The following PTGES2 variants were observed in gnomAD, a reference collection of about 807,000 sequenced individuals.
PTGES2 encodes prostaglandin E synthase 2, also known as GATE-binding factor 1.
PTGES2 carries 35 observed loss-of-function variants against 44.5 expected under a neutral mutation model. The observed-to-expected ratio is 0.79, with a 90% CI of 0.60 to 1.04. The LOEUF is 1.04. PTGES2 is among the 50% of genes least tolerant of loss of function. The probability of loss-of-function intolerance (pLI) is 0.00; values close to 1 mark genes in which losing one functional copy is unlikely to be tolerated. For synonymous variants in PTGES2, 221 were observed against 227.5 expected (o/e 0.97, Z 0.26); for missense variants, 517 against 521.4 (o/e 0.99, Z 0.08).
At chr9:128,126,854 A>C (rs2130857491) in intron 1 of PTGES2, among the ~76,000 whole-genome samples, 1 of 86,566 alleles carries the variant, frequency 1.2e-5, no homozygotes, top group Middle Eastern at 4.9e-3. Context: ...AGCAAAAAAA[A>C]ACTCCGTCTC....
chr9:128,128,137 CTG>C (rs1834719945), upstream of PTGES2: 2 of 354,632 alleles, frequency 5.6e-6, no homozygotes, highest in Admixed American at 8.1e-5. Flanking sequence ...CTTCCGGCCA[CTG>C]AAAGCCCCGG....
upstream of PTGES2, chr9:128,128,329 G>C (rs1172703083): frequency 4.4e-6 from 2 of 456,304 alleles, no homozygotes; most frequent in Admixed American, 2.3e-5. Flanking sequence ...TTTCCAGGGA[G>C]AGGATGGCAA....
chr9:128,128,317 G>C (rs1030717497), upstream of PTGES2: 3 of 456,222 alleles, frequency 6.6e-6, no homozygotes, highest in African/African-American at 6.0e-5. Context: ...CCGACCCCGA[G>C]ATTTCCAGGG....
In PTGES2 at chr9:128,121,199, C is replaced by G. The variant is rs764017847; in HGVS notation, c.1080G>C (p.Gln360His). 6.3e-7 allele frequency: 1 copy of G among 1,595,550 alleles called. No homozygotes were observed. The change falls in exon 7 of 7, where the codon CAG becomes CAC. Residue 360 changes from glutamine (Q) to histidine (H), a missense_variant. Transcript: ENST00000338961. ...CCCTCTCCACCCGCAGGTACCAGGGCTGGATGTGCGTGTGCTGCATCAGGT... is the reference window on the plus strand; with the variant it reads ...CCCTCTCCACCCGCAGGTACCAGGGGTGGATGTGCGTGTGCTGCATCAGGT... ...FDDLMQHTHI[Q>H]PWYLRVERAI...
At chr9:128,125,706 T>C (rs1015547868) in intron 1 of PTGES2, among the ~76,000 whole-genome samples, 6 of 152,158 alleles carry the variant, frequency 3.9e-5, no homozygotes, top group African/African-American at 1.4e-4. Flanking sequence ...TGTCCCATAC[T>C]GGACAGACCC....
chr9:128,128,296 C>A (rs1438987053), upstream of PTGES2: 1 of 456,046 alleles, frequency 2.2e-6, no homozygotes, highest in African/African-American at 2.0e-5. Flanking sequence ...CCACGCGAAG[C>A]GGCCGGCCCG....
chr9:128,128,231 A>T (rs1450728587), upstream of PTGES2: 1 of 445,140 alleles, frequency 2.2e-6, no homozygotes, highest in Non-Finnish European at 4.5e-6. Flanking sequence ...GACCCGAACC[A>T]TAAAATTTTC....
chr9:128,123,816 G>T lies in PTGES2; in HGVS notation c.572C>A (p.Ala191Asp). The change falls in exon 4 of 7, where the codon GCC (alanine) becomes GAC (aspartate). Residue 191 changes from alanine (A) to aspartate (D), a missense_variant. By Grantham distance (126) the Ala-to-Asp change is moderately radical. Coordinates refer to ENST00000338961, the MANE Select transcript of PTGES2 (RefSeq NM_025072.7). This position sits in a 1 kb window ranked among gnomAD's most constrained non-coding sequence, Gnocchi z 4.4. ...PLEEIITYYPAMKAVNEQGKE... is the reference protein window; with the variant it reads ...PLEEIITYYPDMKAVNEQGKE... ...GCCCTGCTCGTTCACAGCCTTCATG[G>T]CTGGGTAGTAGGTGATGATCTCTTC... is the stretch of plus-strand genomic sequence containing the variant. 6.2e-7 allele frequency: 1 copy of T among 1,614,094 alleles called. No homozygotes were observed. Among genetic ancestry groups the T allele is most frequent in the Non-Finnish European group, 8.5e-7 (1 of 1,179,992 alleles).
chr9:128,128,182 T>TCTCTCTGCCC (rs1834726562), upstream of PTGES2: 1 of 216,108 alleles, frequency 4.6e-6, no homozygotes. Flanking sequence ...GTGTTGCGGT[T>TCTCTCTGCCC]CTCTCTGCCC....
In PTGES2 at chr9:128,123,438, G is replaced by A. The variant is rs113287053; in HGVS notation, c.686+264C>T. 2.1e-3 allele frequency among the ~76,000 whole-genome samples: 320 copies of A among 152,166 alleles called. 5 individuals are homozygous for A. In the East Asian group the frequency reaches 0.032, roughly 15 times the overall value. On this transcript the variant is annotated intron_variant, in intron 4 of 6. Transcript: ENST00000338961. This position sits in a 1 kb window ranked among gnomAD's most constrained non-coding sequence, Gnocchi z 4.4. ...ATTTTTGCATTTTTATAGAGATGGG[G>A]TTTTGCCATGTTGGCCAGGCTGGTC...
At chr9:128,121,324 G>A in intron 6 of PTGES2, 51 bp from the exon 7 acceptor site, 2 of 1,576,266 alleles carry the variant, frequency 1.3e-6, no homozygotes, top group Non-Finnish European at 1.7e-6. Context: ...CAGGCATCCA[G>A]ACCTCCTTCG....
At chr9:128,128,342 T>G (rs1392356572), upstream of PTGES2, 1 of 455,234 alleles carries the variant, frequency 2.2e-6, no homozygotes, top group South Asian at 1.5e-5. Flanking sequence ...GATGGCAAAG[T>G]GGGGTGCCAG....
intron 5 of PTGES2, 187 bp downstream of exon 5, chr9:128,122,747 G>A (rs1379236640): frequency 7.4e-6 from 5 of 675,084 alleles, no homozygotes; most frequent in Non-Finnish European, 1.3e-5. Context: ...CTGTCCCCAG[G>A]GGAGGTGAGC....
chr9:128,126,364 T>TG (rs779625020), intron 1 of PTGES2, among the ~76,000 whole-genome samples: 59 of 151,660 alleles, frequency 3.9e-4, no homozygotes, highest in South Asian at 8.4e-4. Context: ...GGTCACCACT[T>TG]GGGGGGGGCA....
Position 128,123,027 on chromosome 9 carries a change from A to T in PTGES2, c.794T>A (p.Val265Asp), listed in dbSNP as rs1441053632. Residue 265 changes from valine to aspartate, a missense_variant, in exon 5 of 7, where the codon GTC (valine) becomes GAC (aspartate). Coordinates refer to ENST00000338961, the MANE Select transcript of PTGES2 (RefSeq NM_025072.7). The surrounding 1 kb of genome is among the most constrained non-coding windows in gnomAD (Gnocchi z 4.4). ...TEALASFDYI[V>D]REGKFGAVEG... ...CACGGCTCCGAACTTGCCCTCGCGGACAATGTAGTCAAAGGACGCCAGAGC... is the reference window on the plus strand; with the variant it reads ...CACGGCTCCGAACTTGCCCTCGCGGTCAATGTAGTCAAAGGACGCCAGAGC... The T allele has an allele frequency of 2.5e-6, 4 of 1,613,734 alleles. No individual in the cohort carries two copies. The highest frequency in any genetic ancestry group is 3.4e-6 in the Non-Finnish European group (4 of 1,179,994).
Position 128,125,361 on chromosome 9 carries a change from G to A in PTGES2, c.360C>T (p.Leu120=), listed in dbSNP as rs781402313. Residue 120 remains leucine, a synonymous_variant, in exon 2 of 7, where the codon CTC becomes CTT. Coordinates refer to ENST00000338961, the MANE Select transcript of PTGES2 (RefSeq NM_025072.7). Reference sequence around the variant, plus strand: ...CCTGGTAGGGCAGGGCATGGAAGTCGAGGAAGGCTCGGACCTTGCTGCAGA... The same window carrying A: ...CCTGGTAGGGCAGGGCATGGAAGTCAAGGAAGGCTCGGACCTTGCTGCAGA... ...CPFCSKVRAF[L]DFHALPYQVV... is the part of the protein sequence containing the mutation. The A allele has an allele frequency of 6.2e-6, 10 of 1,614,056 alleles. No homozygotes were observed. The highest frequency in any genetic ancestry group is 5.3e-5 in the African/African-American group (4 of 74,926).
intron 2 of PTGES2, 132 bp from the exon 3 acceptor site, chr9:128,124,682 G>A (rs1220634448): frequency 2.4e-6 from 3 of 1,269,044 alleles, no homozygotes; most frequent in Non-Finnish European, 3.2e-6. Flanking sequence ...TCCCCGCCCT[G>A]CCCTCAGGGC....
In PTGES2 at chr9:128,121,210, T is replaced by TG; in HGVS notation, c.1068dup (p.Thr357HisfsTer159). On this transcript the variant is annotated frameshift_variant, in exon 7 of 7. Transcript: ENST00000338961. LOFTEE classifies it high-confidence loss of function. ...CGCAGGTACCAGGGCTGGATGTGCGTGTGCTGCATCAGGTCATCGAACGCA... is the reference window on the plus strand; with the variant it reads ...CGCAGGTACCAGGGCTGGATGTGCGTGGTGCTGCATCAGGTCATCGAACGCA... 1 of 1,598,324 alleles carries TG rather than the reference T, an allele frequency of 6.3e-7. No homozygotes were observed. The highest frequency in any genetic ancestry group is 8.5e-7 in the Non-Finnish European group (1 of 1,172,566).
chr9:128,123,646 T>C lies in PTGES2; in HGVS notation c.686+56A>G. Reference sequence around the variant, plus strand: ...GCCATCTTGCTCAGCTTGGTCCTACTCTACAGAAGACCCCTGCGGTCACCA... The same window carrying C: ...GCCATCTTGCTCAGCTTGGTCCTACCCTACAGAAGACCCCTGCGGTCACCA... On this transcript the variant is annotated intron_variant, in intron 4 of 6. Coordinates refer to ENST00000338961, the MANE Select transcript of PTGES2 (RefSeq NM_025072.7). The surrounding 1 kb of genome is among the most constrained non-coding windows in gnomAD (Gnocchi z 4.4). 6.4e-7 allele frequency: 1 copy of C among 1,564,522 alleles called. No homozygotes were observed. Among genetic ancestry groups the C allele is most frequent in the Non-Finnish European group, 8.7e-7 (1 of 1,146,092 alleles).
Sources: allele counts gnomAD v4.1 joint callset (sites outside exome capture counted in the v4.1 genomes callset), GRCh38; gene constraint gnomAD v4.1.1; non-coding constraint Gnocchi (gnomAD v3.1); transcripts MANE v1.5; gene names NCBI Gene and HGNC (gene_info 2026-07-23, HGNC 2026-07-21).